TGFB2: variants seen among roughly 807,000 people sequenced by gnomAD.
TGFB2 encodes transforming growth factor beta-2 proprotein.
A neutral mutation model predicts 42.7 loss-of-function variants in TGFB2; 13 were observed. The ratio of observed to expected loss-of-function variants is 0.30; its 90% confidence interval spans 0.20 to 0.48. The LOEUF (loss-of-function observed/expected upper bound fraction) is 0.48, where lower values mean the gene tolerates loss of function less well. Ranked by LOEUF, TGFB2 falls within the 20% of genes least tolerant of loss-of-function variation. The pLI is 0.99. For synonymous variants in TGFB2, 193 were observed against 193.6 expected, an observed-to-expected ratio of 1.00 and a Z score of 0.03; for missense variants, 390 against 517.5, an observed-to-expected ratio of 0.75 and a Z score of 2.39.
chr1:218,366,484 A>AT (rs1163953462), intron 1 of TGFB2, among the ~76,000 whole-genome samples: 2 of 151,442 alleles, frequency 1.3e-5, no homozygotes, highest in East Asian at 1.9e-4. Flanking sequence ...TAAAAAAAAA[A>AT]TTTTTTTTTA....
At chr1:218,361,632 T>C (rs1421608390) in intron 1 of TGFB2, among the ~76,000 whole-genome samples, 1 of 152,240 alleles carries the variant, frequency 6.6e-6, no homozygotes, top group Non-Finnish European at 1.5e-5. Context: ...CTCTGCATAT[T>C]CTACCTTTCT....
intron 1 of TGFB2, among the ~76,000 whole-genome samples, chr1:218,371,881 A>C (rs971683182): frequency 6.6e-5 from 10 of 152,188 alleles, no homozygotes; most frequent in African/African-American, 2.4e-4. Context: ...CTATAACTTG[A>C]ACCTTAGTCT....
intron 1 of TGFB2, among the ~76,000 whole-genome samples, chr1:218,375,317 G>A (rs1227949107): frequency 1.3e-5 from 2 of 151,690 alleles, no homozygotes; most frequent in Admixed American, 6.6e-5. Flanking sequence ...TCTTACAATT[G>A]AGTAGCAAGA....
At chr1:218,397,238 A>T (rs1475859414) in intron 1 of TGFB2, among the ~76,000 whole-genome samples, 1 of 145,728 alleles carries the variant, frequency 6.9e-6, no homozygotes, top group Non-Finnish European at 1.5e-5. Flanking sequence ...ATTACACTCC[A>T]GCCTGGGCCA....
chr1:218,419,792 G>A (rs1659395134), intron 2 of TGFB2, among the ~76,000 whole-genome samples: 1 of 152,098 alleles, frequency 6.6e-6, no homozygotes, highest in Non-Finnish European at 1.5e-5. Flanking sequence ...CTTATTCAGA[G>A]CTAATTCTGA....
chr1:218,436,115 G>A lies in TGFB2; in HGVS notation c.900G>A (p.Lys300=). 6.2e-7 allele frequency: 1 copy of A among 1,613,552 alleles called. No homozygotes were observed. Residue 300 remains lysine (K), a synonymous_variant, in exon 5 of 7, where the codon AAG becomes AAA. Transcript: ENST00000366930. The part of the protein sequence containing the change: ...RLESQQTNRR[K]KRALDAAYCF... ...AGTCACAACAGACCAACCGGCGGAA[G>A]AAGCGTGCTTTGGATGCGGCCTATT...
At chr1:218,365,854 C>T (rs1001559424) in intron 1 of TGFB2, among the ~76,000 whole-genome samples, 2 of 152,144 alleles carry the variant, frequency 1.3e-5, no homozygotes, top group African/African-American at 4.8e-5. Context: ...TTGCGTGAAC[C>T]GCCTCTCCAT....
At chr1:218,396,150 T>C (rs188282497) in intron 1 of TGFB2, among the ~76,000 whole-genome samples, 22 of 152,262 alleles carry the variant, frequency 1.4e-4, no homozygotes, top group Non-Finnish European at 1.9e-4. Flanking sequence ...GGTTAGACCA[T>C]CATAGTCTAG....
intron 2 of TGFB2, 37 bp from the exon 3 acceptor site, chr1:218,434,045 C>T: frequency 6.2e-7 from 1 of 1,608,924 alleles, no homozygotes; most frequent in South Asian, 1.1e-5. Context: ...GTCAGAATGC[C>T]AACTCAGCCT....
chr1:218,405,250 A>G lies in TGFB2; in HGVS notation c.428A>G (p.Asn143Ser), dbSNP rs141548795. 1.4e-5 allele frequency: 23 copies of G among 1,614,002 alleles called. No homozygotes were observed. The highest frequency in any genetic ancestry group is 3.3e-5 in the South Asian group (3 of 91,084). ...DVSAMEKNASNLVKAEFRVFR... is the reference protein window; with the variant it reads ...DVSAMEKNASSLVKAEFRVFR... ...TCAGCAATGGAGAAGAATGCTTCCAATTTGGTGAAAGCAGAGTTCAGAGTC... is the reference window on the plus strand; with the variant it reads ...TCAGCAATGGAGAAGAATGCTTCCAGTTTGGTGAAAGCAGAGTTCAGAGTC... Residue 143 changes from asparagine to serine, a missense_variant, in exon 2 of 7, where the codon AAT (asparagine) becomes AGT (serine). Asn to Ser is a conservative substitution (Grantham distance 46). Transcript: ENST00000366930.
At chr1:218,429,497 A>G (rs949065729) in intron 2 of TGFB2, among the ~76,000 whole-genome samples, 1 of 152,114 alleles carries the variant, frequency 6.6e-6, no homozygotes, top group Non-Finnish European at 1.5e-5. Flanking sequence ...TCATCTCTTG[A>G]TGAGTACTTG....
intron 1 of TGFB2, among the ~76,000 whole-genome samples, chr1:218,349,874 G>GAACATTCTTGACTA (rs1407760246): frequency 6.6e-6 from 1 of 152,330 alleles, no homozygotes; most frequent in East Asian, 1.9e-4. Context: ...TTTTAGTCAA[G>GAACATTCTTGACTA]AATGTATTTA....
At chr1:218,379,947 CAAT>C (rs1657902487) in intron 1 of TGFB2, among the ~76,000 whole-genome samples, 1 of 152,154 alleles carries the variant, frequency 6.6e-6, no homozygotes. Flanking sequence ...ACAATAACAA[CAAT>C]AATAATACCG....
At position 218,436,058 on chromosome 1, in the gene TGFB2, C is replaced by T. The variant is rs1341919824; in HGVS notation, c.843C>T (p.Leu281=). ...RKKNSGKTPH[L]LLMLLPSYRL... ...AAAACAGTGGGAAGACCCCACATCTCCTGCTAATGTTATTGCCCTCCTACA... is the reference window on the plus strand; with the variant it reads ...AAAACAGTGGGAAGACCCCACATCTTCTGCTAATGTTATTGCCCTCCTACA... The change falls in exon 5 of 7, where the codon CTC becomes CTT. Residue 281 remains leucine (L), a synonymous_variant. Coordinates refer to ENST00000366930, the MANE Select transcript of TGFB2 (RefSeq NM_003238.6). 1 of 1,614,168 alleles carries T rather than the reference C, an allele frequency of 6.2e-7. No individual in the cohort carries two copies. The highest frequency in any genetic ancestry group is 1.7e-5 in the Admixed American group (1 of 60,022).
At chr1:218,405,109 G>A in intron 1 of TGFB2, 60 bp from the exon 2 acceptor site, 1 of 1,514,444 alleles carries the variant, frequency 6.6e-7, no homozygotes, top group East Asian at 2.3e-5. Context: ...TCACGCTACA[G>A]TCTTCTCTGA....
intron 1 of TGFB2, among the ~76,000 whole-genome samples, chr1:218,389,611 C>A (rs892827715): frequency 1.3e-5 from 2 of 152,200 alleles, no homozygotes; most frequent in Non-Finnish European, 2.9e-5. Flanking sequence ...ACCCCTCTGG[C>A]CAATGAATGT....
intron 2 of TGFB2, among the ~76,000 whole-genome samples, chr1:218,416,576 G>C (rs895014807): frequency 6.6e-6 from 1 of 152,164 alleles, no homozygotes; most frequent in African/African-American, 2.4e-5. Context: ...GATTTTACTG[G>C]TTCTTATATT....
intron 1 of TGFB2, among the ~76,000 whole-genome samples, chr1:218,374,665 A>T (rs1657684155): frequency 6.6e-6 from 1 of 152,214 alleles, no homozygotes; most frequent in African/African-American, 2.4e-5. Flanking sequence ...TTCATATTAC[A>T]AGTTAGAAAA....
At chr1:218,398,317 A>G (rs1164703865) in intron 1 of TGFB2, among the ~76,000 whole-genome samples, 1 of 152,238 alleles carries the variant, frequency 6.6e-6, no homozygotes, top group Non-Finnish European at 1.5e-5. Context: ...TGACCCAAGC[A>G]TTTCAACATT....
Sources: allele counts gnomAD v4.1 joint callset (sites outside exome capture counted in the v4.1 genomes callset), GRCh38; gene constraint gnomAD v4.1.1; transcripts MANE v1.5; gene names NCBI Gene and HGNC (gene_info 2026-07-23, HGNC 2026-07-21).